ARFGEF2: variants seen among roughly 807,000 people sequenced by gnomAD.
ARFGEF2 encodes ARF guanine nucleotide exchange factor 2.
A neutral mutation model predicts 219.9 loss-of-function variants in ARFGEF2; 74 were observed. That is an observed-to-expected ratio of 0.34 (90% confidence interval 0.28 to 0.41). ARFGEF2 has a LOEUF of 0.41. ARFGEF2 is among the 10% of genes least tolerant of loss of function. The pLI, the probability that ARFGEF2 is intolerant of heterozygous loss-of-function variation, is 1.00. For synonymous variants in ARFGEF2, 733 were observed against 799.2 expected (o/e 0.92, Z 1.40); for missense variants, 1,743 against 2,218.3 (o/e 0.79, Z 4.30).
chr20:48,993,361 A>G (rs1029339801), intron 21 of ARFGEF2, among the ~76,000 whole-genome samples: 2 of 152,336 alleles, frequency 1.3e-5, no homozygotes, highest in Admixed American at 6.5e-5. Flanking sequence ...CAGCTTCTGC[A>G]AAAGGGAGGA....
intron 13 of ARFGEF2, among the ~76,000 whole-genome samples, chr20:48,975,790 G>A (rs1440265861): frequency 2.6e-4 from 14 of 53,450 alleles, no homozygotes; most frequent in Admixed American, 4.5e-4. Context: ...GACAGTGCGA[G>A]ACTCCATCTC....
intron 16 of ARFGEF2, among the ~76,000 whole-genome samples, chr20:48,986,468 A>G (rs2091326998): frequency 6.6e-6 from 1 of 152,048 alleles, no homozygotes; most frequent in South Asian, 2.1e-4. Context: ...GTCTCTTCCA[A>G]AAATACAAAA....
intron 23 of ARFGEF2, 151 bp from the exon 24 acceptor site, chr20:48,998,042 T>C (rs976314611): frequency 2.4e-5 from 17 of 702,586 alleles, no homozygotes; most frequent in South Asian, 2.0e-4. Context: ...TATTTTTTAT[T>C]AGAGACAAGG....
chr20:49,034,389 A>T lies in ARFGEF2; in HGVS notation c.*1190A>T, dbSNP rs907705256. 6.6e-6 allele frequency: 1 copy of T among 152,198 alleles called. No individual in the cohort carries two copies. The highest frequency in any genetic ancestry group is 2.4e-5 in the African/African-American group (1 of 41,436). The allele number at this position is 152,198 out of a possible 1,614,324, so 9.4% of individuals were successfully genotyped here. A position where few individuals can be genotyped will look rare whatever the true frequency, so the allele number is the denominator to read the frequency against. ...GGATTCTGAGGTCCTTATTATGTTA[A>T]TGATGGTGCAATACTCTCACCTGCA... On this transcript the variant is annotated 3_prime_UTR_variant, in exon 39 of 39. Transcript: ENST00000371917.
At chr20:48,946,953 C>T (rs555360076) in intron 3 of ARFGEF2, among the ~76,000 whole-genome samples, 150 of 152,122 alleles carry the variant, frequency 9.9e-4, no homozygotes, top group Admixed American at 2.9e-3. Context: ...AGGTGTGTGC[C>T]GCCACACCCA....
chr20:48,951,199 C>T, intron 3 of ARFGEF2, 124 bp from the exon 4 acceptor site: 2 of 1,208,876 alleles, frequency 1.7e-6, no homozygotes, highest in Non-Finnish European at 2.4e-6. Flanking sequence ...GCCTGCCTGG[C>T]TCCTGGGGAG....
At chr20:48,924,238 G>A (rs954621694) in intron 1 of ARFGEF2, among the ~76,000 whole-genome samples, 1 of 152,084 alleles carries the variant, frequency 6.6e-6, no homozygotes, top group Non-Finnish European at 1.5e-5. Context: ...GGCCAGGTGC[G>A]GTGGCTCACG....
intron 6 of ARFGEF2, among the ~76,000 whole-genome samples, chr20:48,962,818 C>T (rs1240870323): frequency 6.6e-6 from 1 of 152,102 alleles, no homozygotes. Flanking sequence ...AAAATGGTGG[C>T]TGGGTTGAAA....
At chr20:48,987,575 T>G (rs761539456) in intron 16 of ARFGEF2, among the ~76,000 whole-genome samples, 2 of 152,106 alleles carry the variant, frequency 1.3e-5, no homozygotes, top group Non-Finnish European at 2.9e-5. Flanking sequence ...TGGCACAAAA[T>G]AGATGTTCTC....
At position 48,925,766 on chromosome 20, in the gene ARFGEF2, A is replaced by G. The variant is rs2090872957; in HGVS notation, c.121+3756A>G. Among the ~76,000 whole-genome samples the G allele has an allele frequency of 3.3e-5, 5 of 152,014 alleles. No individual in the cohort carries two copies. The South Asian group carries it at 1.0e-3, about 32-fold the overall frequency. On this transcript the variant is annotated intron_variant, in intron 1 of 38. Coordinates refer to ENST00000371917, the MANE Select transcript of ARFGEF2 (RefSeq NM_006420.3). ...GTGGGAGGATGACTTGAACCTAGGA[A>G]ATGGAGGTTGCAGTGAGTTGAGATC... is the stretch of plus-strand genomic sequence containing the variant.
intron 37 of ARFGEF2, 27 bp from the exon 38 acceptor site, chr20:49,032,022 A>G (rs370331654): frequency 5.7e-5 from 82 of 1,451,318 alleles, no homozygotes; most frequent in Non-Finnish European, 7.8e-5. Context: ...ATTGTTTGAT[A>G]TGCCTCCCCC....
chr20:48,973,001 C>G, intron 11 of ARFGEF2, 144 bp from the exon 12 acceptor site: 1 of 885,012 alleles, frequency 1.1e-6, no homozygotes, highest in Non-Finnish European at 1.8e-6. Flanking sequence ...CTTCCTAGTA[C>G]TTCCAACATG....
rs1304984527 is a variant in ARFGEF2, at chr20:48,985,293, A to G, written c.2071-115A>G. ...AGTTCCCTAGCTTTTTTACCAGTCC[A>G]GCCTATTCTGGGCAGTTAGGGCCAG... On this transcript the variant is annotated intron_variant, in intron 15 of 38. Transcript: ENST00000371917. The G allele has an allele frequency of 6.3e-6, 7 of 1,109,438 alleles. No individual in the cohort carries two copies. The African/African-American group carries it at 9.2e-5, about 15-fold the overall frequency. The allele number at this position is 1,109,438 out of a possible 1,614,324, so 68.7% of individuals were successfully genotyped here.
chr20:49,022,154 CAAA>C (rs58870256), intron 34 of ARFGEF2, among the ~76,000 whole-genome samples: 2 of 70,204 alleles, frequency 2.8e-5, no homozygotes, highest in African/African-American at 5.2e-5. Context: ...GACTCCGTCT[CAAA>C]AAAAAAAAAA....
intron 26 of ARFGEF2, among the ~76,000 whole-genome samples, chr20:49,008,718 T>G (rs1015069614): frequency 1.4e-5 from 2 of 145,064 alleles, no homozygotes; most frequent in African/African-American, 2.7e-5. Flanking sequence ...TTTTTTTTTT[T>G]TTTTTTTTTT....
rs771148216 is a variant in ARFGEF2, at chr20:49,013,842, T to C, written c.4061T>C (p.Val1354Ala). The C allele has an allele frequency of 4.8e-5, 78 of 1,614,134 alleles. No homozygotes were observed. Among genetic ancestry groups the C allele is most frequent in the Non-Finnish European group, 6.1e-5 (72 of 1,180,022 alleles). ...KLDVRTRGLTVMFEIMKSYGH... is the reference protein window; with the variant it reads ...KLDVRTRGLTAMFEIMKSYGH... ...TTTGTTTCCTCCAGGGGACTCACAG[T>C]CATGTTTGAGATCATGAAGAGCTAT... The change falls in exon 30 of 39, where the codon GTC becomes GCC. Residue 1354 changes from valine (V) to alanine (A), a missense_variant. This residue lies in a region of ARFGEF2 where 578 missense variants were observed against 664.0 expected (regional missense o/e 0.87). Transcript: ENST00000371917.
chr20:48,967,948 A>G (rs1369321463), intron 8 of ARFGEF2, among the ~76,000 whole-genome samples: 1 of 152,128 alleles, frequency 6.6e-6, no homozygotes, highest in East Asian at 1.9e-4. Context: ...AATTATGAGA[A>G]CTTTTATATG....
intron 1 of ARFGEF2, among the ~76,000 whole-genome samples, chr20:48,923,316 C>T (rs1485578460): frequency 6.6e-6 from 1 of 152,152 alleles, no homozygotes; most frequent in Non-Finnish European, 1.5e-5. Context: ...TCACCTTTCT[C>T]CTTTCATTTG....
chr20:48,994,509 C>G lies in ARFGEF2; in HGVS notation c.3032C>G (p.Thr1011Arg), dbSNP rs138319848. 7 of 1,614,072 alleles carry G rather than the reference C, an allele frequency of 4.3e-6. No individual in the cohort carries two copies. In the South Asian group the frequency reaches 6.6e-5, roughly 15 times the overall value. The change falls in exon 22 of 39, where the codon ACG becomes AGG. Residue 1011 changes from threonine to arginine, a missense_variant. By Grantham distance (71) the Thr-to-Arg change is moderately conservative. This residue lies in a region of ARFGEF2 where 666 missense variants were observed against 955.4 expected (regional missense o/e 0.70). Coordinates refer to ENST00000371917, the MANE Select transcript of ARFGEF2 (RefSeq NM_006420.3). ...LAQLIGTGVKTRYLSGSGRER... is the reference protein window; with the variant it reads ...LAQLIGTGVKRRYLSGSGRER... Reference sequence around the variant, plus strand: ...CAGCTGATAGGAACCGGTGTGAAGACGCGCTACCTGTCTGGATCTGGGCGT... The same window carrying G: ...CAGCTGATAGGAACCGGTGTGAAGAGGCGCTACCTGTCTGGATCTGGGCGT...
Sources: gnomAD v4.1 joint callset for allele counts (sites outside exome capture counted in the v4.1 genomes callset) on GRCh38, gnomAD v4.1.1 for gene constraint, gnomAD v4.1.1 regional missense constraint, MANE v1.5 for transcripts, NCBI Gene and HGNC (gene_info 2026-07-23, HGNC 2026-07-21) for gene names.